MYRFL: variants seen among roughly 807,000 people sequenced by gnomAD.
MYRFL encodes myelin regulatory factor-like protein.
A neutral mutation model predicts 109.4 loss-of-function variants in MYRFL; 88 were observed. The observed-to-expected ratio is 0.80, with a 90% confidence interval of 0.68 to 0.96. The LOEUF (loss-of-function observed/expected upper bound fraction) is 0.96. MYRFL is among the 40% of genes least tolerant of loss of function. The pLI is 0.00. For missense variants in MYRFL, 957 were observed against 954.9 expected, an observed-to-expected ratio of 1.00 and a Z score of -0.03; for synonymous variants, 324 against 320.9, an observed-to-expected ratio of 1.01 and a Z score of -0.10.
chr12:69,870,100 T>A (rs7305916), intron 2 of MYRFL, among the ~76,000 whole-genome samples: 1 of 18,416 alleles, frequency 5.4e-5, no homozygotes, highest in African/African-American at 2.0e-4. Context: ...TTTTTCTTCC[T>A]TTTTTTTTTT....
intron 2 of MYRFL, among the ~76,000 whole-genome samples, chr12:69,860,968 G>A (rs200208551): frequency 0.035 from 5,006 of 141,572 alleles, 111 homozygotes; most frequent in East Asian, 0.11. Flanking sequence ...TCATTGTTCA[G>A]TTCCCACCTA....
intron 1 of MYRFL, among the ~76,000 whole-genome samples, chr12:69,845,867 C>T (rs1883501379): frequency 6.6e-6 from 1 of 150,520 alleles, no homozygotes. Flanking sequence ...CAAAGCAAAG[C>T]ACGGAACAAA....
At chr12:69,847,328 AG>A (rs1158465654) in intron 1 of MYRFL, among the ~76,000 whole-genome samples, 1 of 152,232 alleles carries the variant, frequency 6.6e-6, no homozygotes, top group Non-Finnish European at 1.5e-5. Context: ...CTCTTTACTA[AG>A]GATTGTCAAT....
chr12:69,927,351 G>T (rs1955129205), intron 14 of MYRFL, among the ~76,000 whole-genome samples: 1 of 151,810 alleles, frequency 6.6e-6, no homozygotes, highest in East Asian at 1.9e-4. Context: ...CTTTAATGAG[G>T]AGAAGTGGTC....
intron 19 of MYRFL, among the ~76,000 whole-genome samples, chr12:69,947,692 AT>A (rs1356022646): frequency 1.3e-5 from 2 of 152,186 alleles, no homozygotes. Flanking sequence ...ATTCATGCTC[AT>A]TTTGTTTTGG....
intron 6 of MYRFL, among the ~76,000 whole-genome samples, chr12:69,889,730 C>G (rs778511097): frequency 6.6e-6 from 1 of 152,074 alleles, no homozygotes; most frequent in African/African-American, 2.4e-5. Flanking sequence ...GTAGCTGGAG[C>G]CTGTAATCCC....
At chr12:69,891,561 A>ATTTC (rs60757761) in intron 7 of MYRFL, among the ~76,000 whole-genome samples, 9,396 of 113,970 alleles carry the variant, frequency 0.082, 632 homozygotes, top group Middle Eastern at 0.097. Context: ...AAAGGTGTCA[A>ATTTC]TTTCTTTCTT....
Position 69,957,904 on chromosome 12 carries a change from C to A in MYRFL, c.2533C>A (p.Leu845Met), listed in dbSNP as rs10879065. 0.34 allele frequency: 526,170 copies of A among 1,532,654 alleles called. 93,569 individuals carry two copies. Among genetic ancestry groups the A allele is most frequent in the East Asian group, 0.5 (20,470 of 40,820 alleles). 94.9% of individuals were successfully genotyped at this position (1,532,654 alleles called of 1,614,324 possible). A position where few individuals can be genotyped will look rare whatever the true frequency, so the allele number is the denominator to read the frequency against. ...CFHSKRGTKG[L>M]ESHREISQEM... ...CCATAGTAAAAGGGGAACCAAAGGG[C>A]TGGAAAGCCACAGAGAAATCTCCCA... Residue 845 changes from leucine to methionine, a missense_variant, in exon 23 of 25, where the codon CTG (leucine) becomes ATG (methionine). Physicochemically the swap from Leu to Met is conservative, Grantham distance 15 (BLOSUM62 2). Transcript: ENST00000552032.
At chr12:69,939,056 C>T (rs571728962) in intron 19 of MYRFL, among the ~76,000 whole-genome samples, 1 of 152,190 alleles carries the variant, frequency 6.6e-6, no homozygotes, top group Non-Finnish European at 1.5e-5. Context: ...CATGGAGTCT[C>T]GCTGATTGCT....
At chr12:69,873,559 C>T (rs544494614) in intron 2 of MYRFL, among the ~76,000 whole-genome samples, 3 of 152,234 alleles carry the variant, frequency 2.0e-5, no homozygotes, top group East Asian at 3.9e-4. Flanking sequence ...AATGTGATAT[C>T]GTGGCAGGAA....
At chr12:69,925,800 T>A (rs979589175) in intron 13 of MYRFL, among the ~76,000 whole-genome samples, 19 of 152,218 alleles carry the variant, frequency 1.2e-4, no homozygotes, top group African/African-American at 4.3e-4. Context: ...TGCTTTTTTT[T>A]AGTTAGGCTA....
intron 9 of MYRFL, among the ~76,000 whole-genome samples, chr12:69,896,165 A>G (rs1004250494): frequency 6.6e-6 from 1 of 152,194 alleles, no homozygotes; most frequent in Non-Finnish European, 1.5e-5. Context: ...TTGGGCATAT[A>G]ACTTAACCTC....
Position 69,855,171 on chromosome 12 carries a change from A to T in MYRFL, c.47-109A>T. On this transcript the variant is annotated intron_variant, in intron 1 of 24. Coordinates refer to ENST00000552032, the MANE Select transcript of MYRFL (RefSeq NM_182530.3). ...TCTTCCATGCTGTTGATCCTTGTGG[A>T]TACAATAAGAAAGACACAGTCCCTG... The T allele has an allele frequency of 9.2e-6, 5 of 541,194 alleles. No individual in the cohort carries two copies. The South Asian group carries it at 1.5e-4, about 16-fold the overall frequency. 33.5% of individuals were successfully genotyped at this position (541,194 alleles called of 1,614,324 possible). A position where few individuals can be genotyped will look rare whatever the true frequency, so the allele number is the denominator to read the frequency against.
chr12:69,893,256 T>G (rs1335116016), intron 7 of MYRFL, among the ~76,000 whole-genome samples: 2 of 152,254 alleles, frequency 1.3e-5, no homozygotes, highest in African/African-American at 2.4e-5. Context: ...AAGAAGAGTT[T>G]GTAGCAGATG....
intron 1 of MYRFL, among the ~76,000 whole-genome samples, chr12:69,854,353 GAGGGA>G (rs1884136601): frequency 6.8e-5 from 4 of 58,640 alleles, no homozygotes; most frequent in Non-Finnish European, 1.1e-4. Context: ...GGGGGAGGGA[GAGGGA>G]GAGGGAGAGG....
At chr12:69,927,876 A>G (rs1955146508) in intron 15 of MYRFL, 128 bp downstream of exon 15, 3 of 799,256 alleles carry the variant, frequency 3.8e-6, no homozygotes, top group Admixed American at 3.0e-5. Flanking sequence ...CTTATGTACT[A>G]TATGTGTTTA....
At chr12:69,839,957 C>T (rs1334876622) in intron 1 of MYRFL, among the ~76,000 whole-genome samples, 1 of 152,174 alleles carries the variant, frequency 6.6e-6, no homozygotes, top group Non-Finnish European at 1.5e-5. Context: ...GTACTCAATA[C>T]TTTTATTATT....
chr12:69,931,509 A>G (rs954165503), intron 15 of MYRFL, among the ~76,000 whole-genome samples: 1 of 152,218 alleles, frequency 6.6e-6, no homozygotes, highest in Non-Finnish European at 1.5e-5. Context: ...CTTTAGTCAG[A>G]TAACTAGCCC....
At chr12:69,897,079 T>G in intron 9 of MYRFL, 77 bp from the exon 10 acceptor site, 1 of 945,778 alleles carries the variant, frequency 1.1e-6, no homozygotes, top group Admixed American at 2.0e-5. Flanking sequence ...ATTGATCAAC[T>G]GTTGGGTGGT....
Sources: gnomAD v4.1 joint callset for allele counts (sites outside exome capture counted in the v4.1 genomes callset) on GRCh38, gnomAD v4.1.1 for gene constraint, MANE v1.5 for transcripts, NCBI Gene and HGNC (gene_info 2026-07-23, HGNC 2026-07-21) for gene names.